The following PSPC1 variants were observed in gnomAD, a reference collection of about 807,000 sequenced individuals.
PSPC1 encodes paraspeckle protein 1.
In PSPC1, 14 loss-of-function variants were observed where a neutral mutation model predicts 51.6. The observed-to-expected ratio is 0.27, with a 90% CI of 0.18 to 0.42. The LOEUF is 0.42. Among genes scored for constraint, PSPC1 ranks in the 10% least tolerant of loss-of-function variants. The pLI is 1.00. For missense variants in PSPC1, 406 were observed against 701.1 expected, an observed-to-expected ratio of 0.58 and a Z score of 4.75; for synonymous variants, 193 against 231.9, an observed-to-expected ratio of 0.83 and a Z score of 1.53.
downstream of PSPC1, chr13:19,671,800 C>T (rs563262412): frequency 4.2e-5 from 67 of 1,607,476 alleles, no homozygotes; most frequent in Non-Finnish European, 5.4e-5. Context: ...AAATCTGGAT[C>T]TGTACTGACA....
chr13:19,745,747 G>C (rs950182128), intron 4 of PSPC1, among the ~76,000 whole-genome samples: 1 of 151,312 alleles, frequency 6.6e-6, no homozygotes, highest in Non-Finnish European at 1.5e-5. Context: ...AGCCTCCCAA[G>C]TAGCTGGGAC....
At chr13:19,705,944 C>T (rs1785596434) in intron 7 of PSPC1, 113 bp from the exon 8 acceptor site, 5 of 921,850 alleles carry the variant, frequency 5.4e-6, no homozygotes, top group Non-Finnish European at 6.2e-6. Context: ...ATTATTTTCG[C>T]TCCTTAAGAA....
chr13:19,769,768 TAAAAATA>T (rs1484401762), intron 2 of PSPC1, among the ~76,000 whole-genome samples: 1 of 151,618 alleles, frequency 6.6e-6, no homozygotes, highest in Admixed American at 6.6e-5. Context: ...ATAAAAATAA[TAAAAATA>T]AAAAATAAAA....
At chr13:19,742,544 G>C (rs1191125043) in intron 4 of PSPC1, among the ~76,000 whole-genome samples, 1 of 152,156 alleles carries the variant, frequency 6.6e-6, no homozygotes, top group Non-Finnish European at 1.5e-5. Flanking sequence ...TTCGAGACCA[G>C]CATGGCCAAC....
chr13:19,738,562 C>A (rs1371374922), intron 5 of PSPC1, among the ~76,000 whole-genome samples: 1 of 152,172 alleles, frequency 6.6e-6, no homozygotes, highest in Non-Finnish European at 1.5e-5. Context: ...ACTTATAATA[C>A]CTAACACAAT....
intron 6 of PSPC1, chr13:19,677,863 C>G (rs1565951632): frequency 2.1e-6 from 1 of 466,858 alleles, no homozygotes; most frequent in Non-Finnish European, 4.3e-6. Context: ...TTTTTAAGAA[C>G]TGATTTCAAT....
chr13:19,689,089 A>G (rs1878265369), intron 6 of PSPC1, among the ~76,000 whole-genome samples: 1 of 152,212 alleles, frequency 6.6e-6, no homozygotes, highest in African/African-American at 2.4e-5. Flanking sequence ...CTTATAGTCA[A>G]CTGTCGACAT....
intron 1 of PSPC1, among the ~76,000 whole-genome samples, chr13:19,780,333 G>A (rs9579681): frequency 0.094 from 11,190 of 118,506 alleles, 280 homozygotes; most frequent in African/African-American, 0.14. Context: ...CATTGAGAAC[G>A]GGCCAGGATG....
chr13:19,710,219 G>A (rs1020073928), intron 6 of PSPC1, among the ~76,000 whole-genome samples: 4 of 152,210 alleles, frequency 2.6e-5, no homozygotes, highest in Admixed American at 6.5e-5. Context: ...TAACTGCGCA[G>A]TAATTTTATT....
intron 2 of PSPC1, among the ~76,000 whole-genome samples, chr13:19,769,691 C>T (rs968890088): frequency 1.3e-5 from 2 of 151,896 alleles, no homozygotes; most frequent in East Asian, 1.9e-4. Context: ...GCTGAGATCG[C>T]GCCATTGCAC....
intron 6 of PSPC1, among the ~76,000 whole-genome samples, chr13:19,689,595 G>A (rs944999663): frequency 2.0e-5 from 3 of 152,108 alleles, no homozygotes; most frequent in Non-Finnish European, 4.4e-5. Context: ...TTGTCAAGAA[G>A]AGAAGAAAAA....
intron 2 of PSPC1, among the ~76,000 whole-genome samples, chr13:19,766,342 C>T (rs1888066395): frequency 6.6e-6 from 1 of 152,144 alleles, no homozygotes; most frequent in Admixed American, 6.6e-5. Context: ...CACAGAACTG[C>T]ACCCTGAGTG....
intron 5 of PSPC1, among the ~76,000 whole-genome samples, chr13:19,737,710 A>T (rs1445783644): frequency 2.0e-5 from 3 of 152,200 alleles, no homozygotes; most frequent in East Asian, 3.8e-4. Flanking sequence ...TGTCTGTAGC[A>T]ATTATTATTA....
At chr13:19,777,690 G>A (rs905662714) in intron 1 of PSPC1, among the ~76,000 whole-genome samples, 3 of 152,110 alleles carry the variant, frequency 2.0e-5, no homozygotes, top group Admixed American at 2.0e-4. Flanking sequence ...GCTCACACCT[G>A]TAATCCCAGC....
intron 5 of PSPC1, among the ~76,000 whole-genome samples, chr13:19,741,314 A>T (rs995160785): frequency 6.6e-6 from 1 of 152,252 alleles, no homozygotes; most frequent in African/African-American, 2.4e-5. Context: ...GCATATTCTT[A>T]TAATAAATTA....
At chr13:19,719,880 C>A (rs1455500803) in intron 6 of PSPC1, among the ~76,000 whole-genome samples, 3 of 152,128 alleles carry the variant, frequency 2.0e-5, no homozygotes, top group Non-Finnish European at 4.4e-5. Context: ...GGGCCTCTCA[C>A]TATGTTGCCC....
At chr13:19,676,274 A>G (rs566163731) in intron 7 of PSPC1, among the ~76,000 whole-genome samples, 27 of 152,328 alleles carry the variant, frequency 1.8e-4, no homozygotes, top group African/African-American at 6.5e-4. Flanking sequence ...TCCATAGACT[A>G]GAAAATTATT....
intron 3 of PSPC1, among the ~76,000 whole-genome samples, chr13:19,752,399 A>G (rs1267507523): frequency 6.6e-6 from 1 of 152,064 alleles, no homozygotes; most frequent in Admixed American, 6.6e-5. Flanking sequence ...ATATATTTGA[A>G]AGTCTTCATT....
At chr13:19,735,137 C>T (rs932411239) in intron 5 of PSPC1, among the ~76,000 whole-genome samples, 13 of 151,952 alleles carry the variant, frequency 8.6e-5, no homozygotes, top group African/African-American at 3.1e-4. Context: ...CATGGTAAAA[C>T]CACGTCTCGA....
Sources: gnomAD v4.1 joint callset for allele counts (sites outside exome capture counted in the v4.1 genomes callset) on GRCh38, gnomAD v4.1.1 for gene constraint, MANE v1.5 for transcripts, NCBI Gene and HGNC (gene_info 2026-07-23, HGNC 2026-07-21) for gene names.